CAND1: variants seen among roughly 807,000 people sequenced by gnomAD.
CAND1 encodes cullin associated and neddylation dissociated 1.
In CAND1, 7 loss-of-function variants were observed where a neutral mutation model predicts 108.5. That is an observed-to-expected ratio of 0.06 (90% confidence interval 0.04 to 0.12). The LOEUF is 0.12. Among genes scored for constraint, CAND1 ranks in the 10% least tolerant of loss-of-function variants. The pLI is 1.00. For synonymous variants in CAND1, 534 were observed against 512.0 expected, an observed-to-expected ratio of 1.04 and a Z score of -0.58; for missense variants, 941 against 1,448.7, an observed-to-expected ratio of 0.65 and a Z score of 5.69.
chr12:67,297,882 A>G (rs2044785544), intron 6 of CAND1, 29 bp downstream of exon 6: 2 of 1,393,858 alleles, frequency 1.4e-6, no homozygotes, highest in South Asian at 1.2e-5. Context: ...TATTTTTTAC[A>G]AAAAGTTTTT....
rs1266143212 is a variant in CAND1, at chr12:67,313,070, A to G, written c.*240A>G. The G allele has an allele frequency of 8.4e-6, 3 of 357,298 alleles. No individual in the cohort carries two copies. The highest frequency in any genetic ancestry group is 6.3e-5 in the African/African-American group (3 of 47,954). 22.1% of individuals were successfully genotyped at this position (357,298 alleles called of 1,614,324 possible). ...CACTAGTGTTTTAGTGGTTACAGCA[A>G]CATTTGAAATGGAAACTAAAAGTTA... On this transcript the variant is annotated 3_prime_UTR_variant, in exon 15 of 15. Transcript: ENST00000545606.
At chr12:67,283,150 T>A (rs1057416065) in intron 2 of CAND1, among the ~76,000 whole-genome samples, 3 of 152,236 alleles carry the variant, frequency 2.0e-5, no homozygotes, top group South Asian at 2.1e-4. Flanking sequence ...TAAATTTGTT[T>A]TAGCCTAAAC....
At chr12:67,310,558 GC>G in intron 13 of CAND1, 1 of 325,296 alleles carries the variant, frequency 3.1e-6, no homozygotes, top group Non-Finnish European at 5.7e-6. Context: ...AATGCTGTGT[GC>G]CCACTTGCTT....
intron 4 of CAND1, among the ~76,000 whole-genome samples, chr12:67,295,559 G>T (rs578250810): frequency 6.6e-6 from 1 of 152,256 alleles, no homozygotes; most frequent in African/African-American, 2.4e-5. Context: ...ATATTTTAGG[G>T]GAGGGAGGAC....
chr12:67,280,396 C>A (rs1024744645), intron 1 of CAND1, among the ~76,000 whole-genome samples: 6 of 152,182 alleles, frequency 3.9e-5, no homozygotes, highest in Admixed American at 3.3e-4. Flanking sequence ...CAGTTTATTT[C>A]CCATGTTGCG....
chr12:67,274,816 T>G (rs1278288208), intron 1 of CAND1, among the ~76,000 whole-genome samples: 1 of 152,178 alleles, frequency 6.6e-6, no homozygotes, highest in Non-Finnish European at 1.5e-5. Context: ...TTTAAAATGC[T>G]TGTAAAAAAA....
At chr12:67,302,963 G>T (rs921016458) in intron 8 of CAND1, among the ~76,000 whole-genome samples, 1 of 152,114 alleles carries the variant, frequency 6.6e-6, no homozygotes, top group Non-Finnish European at 1.5e-5. Flanking sequence ...AAGTTATTTA[G>T]TCATTTTATT....
chr12:67,305,552 A>C lies in CAND1; in HGVS notation c.1884A>C (p.Thr628=), dbSNP rs146241712. 6.2e-7 allele frequency: 1 copy of C among 1,614,050 alleles called. No individual in the cohort carries two copies. Among genetic ancestry groups the C allele is most frequent in the Non-Finnish European group, 8.5e-7 (1 of 1,180,026 alleles). Residue 628 remains threonine (T), a synonymous_variant, in exon 10 of 15, where the codon ACA becomes ACC. Transcript: ENST00000545606. This position sits in a 1 kb window ranked among gnomAD's most constrained non-coding sequence, Gnocchi z 4.4. ...AGAATGAAATTACCAGGTTAACTAC[A>C]GTAAAGGCATTGACACTGATTGCTG... ...RLKNEITRLT[T]VKALTLIAGS... is the part of the protein sequence containing the mutation.
At position 67,314,398 on chromosome 12, in the gene CAND1, A is replaced by C. The variant is rs373474760; in HGVS notation, c.*1568A>C. The C allele has an allele frequency of 1.3e-5, 2 of 152,344 alleles. No individual in the cohort carries two copies. The highest frequency in any genetic ancestry group is 2.1e-4 in the South Asian group (1 of 4,828). 9.4% of individuals were successfully genotyped at this position (152,344 alleles called of 1,614,324 possible). On this transcript the variant is annotated 3_prime_UTR_variant, in exon 15 of 15. Transcript: ENST00000545606. Reference sequence around the variant, plus strand: ...AATGCAGAAGACATCACTTCTAGTAAGGATTTTGACTAGTGCATTGATGTT... The same window carrying C: ...AATGCAGAAGACATCACTTCTAGTACGGATTTTGACTAGTGCATTGATGTT...
At chr12:67,304,771 T>G in intron 9 of CAND1, 25 bp downstream of exon 9, 1 of 1,607,664 alleles carries the variant, frequency 6.2e-7, no homozygotes, top group Non-Finnish European at 8.5e-7. Context: ...TAAATCTCTT[T>G]TGGGACTTAT....
chr12:67,277,547 A>T (rs960286138), intron 1 of CAND1, among the ~76,000 whole-genome samples: 54 of 152,184 alleles, frequency 3.5e-4, no homozygotes, highest in Non-Finnish European at 7.2e-4. Flanking sequence ...AAGCACAAAC[A>T]TGTGAAAAAC....
At chr12:67,269,992 TAGGCA>T (rs2135984644) in intron 1 of CAND1, 1 of 517,218 alleles carries the variant, frequency 1.9e-6, no homozygotes, top group East Asian at 3.6e-5. Flanking sequence ...TTCTTTCTCC[TAGGCA>T]GTTGCCCGCC....
At chr12:67,284,186 G>A (rs560813603) in intron 2 of CAND1, among the ~76,000 whole-genome samples, 1 of 151,790 alleles carries the variant, frequency 6.6e-6, no homozygotes, top group Non-Finnish European at 1.5e-5. Context: ...GAGAGTTGTA[G>A]TACTGTTCTA....
At position 67,305,603 on chromosome 12, in the gene CAND1, G is replaced by A. The variant is rs1396279717; in HGVS notation, c.1935G>A (p.Arg645=). The A allele has an allele frequency of 1.8e-5, 29 of 1,614,016 alleles. No individual in the cohort carries two copies. Among genetic ancestry groups the A allele is most frequent in the Non-Finnish European group, 2.5e-5 (29 of 1,180,020 alleles). ...IAGSPLKIDL[R]PVLGEGVPIL... Reference sequence around the variant, plus strand: ...GGTCACCTTTGAAGATAGATTTGAGGCCTGTTCTGGGAGAAGGGGTTCCTA... The same window carrying A: ...GGTCACCTTTGAAGATAGATTTGAGACCTGTTCTGGGAGAAGGGGTTCCTA... The change falls in exon 10 of 15, where the codon AGG becomes AGA. Residue 645 remains arginine (R), a synonymous_variant. Coordinates refer to ENST00000545606, the MANE Select transcript of CAND1 (RefSeq NM_018448.5). The surrounding 1 kb of genome is among the most constrained non-coding windows in gnomAD (Gnocchi z 4.4).
Position 67,281,881 on chromosome 12 carries a change from C to T in CAND1, c.69-29C>T, listed in dbSNP as rs1252681787. On this transcript the variant is annotated intron_variant, in intron 1 of 14. Coordinates refer to ENST00000545606, the MANE Select transcript of CAND1 (RefSeq NM_018448.5). Reference sequence around the variant, plus strand: ...TTTTAAATTAATGCTTTAAAATTTTCAAATTAACAAATTTTATTTTTTTGA... The same window carrying T: ...TTTTAAATTAATGCTTTAAAATTTTTAAATTAACAAATTTTATTTTTTTGA... 2.7e-6 allele frequency: 4 copies of T among 1,506,974 alleles called. No homozygotes were observed. The East Asian group carries it at 9.6e-5, about 36-fold the overall frequency. The allele number at this position is 1,506,974 out of a possible 1,614,324, so 93.4% of individuals were successfully genotyped here. A position where few individuals can be genotyped will look rare whatever the true frequency, so the allele number is the denominator to read the frequency against.
chr12:67,286,096 C>G (rs1219664415), intron 2 of CAND1, among the ~76,000 whole-genome samples: 3 of 152,148 alleles, frequency 2.0e-5, no homozygotes. Flanking sequence ...CAAGCTCTGC[C>G]TCCCGGGTTC....
Position 67,269,602 on chromosome 12 carries a change from C to T in CAND1, c.-116C>T, listed in dbSNP as rs2044496737. On this transcript the variant is annotated 5_prime_UTR_variant, in exon 1 of 15. Transcript: ENST00000545606. ...TCAGCGTCGGCGTCGCGCTGCGACCCTGGAAGCGGGAGCCGCCGCGAGCGA... is the reference window on the plus strand; with the variant it reads ...TCAGCGTCGGCGTCGCGCTGCGACCTTGGAAGCGGGAGCCGCCGCGAGCGA... The T allele has an allele frequency of 9.2e-6, 8 of 865,928 alleles. No individual in the cohort carries two copies. Among genetic ancestry groups the T allele is most frequent in the African/African-American group, 1.8e-5 (1 of 54,996 alleles). 53.6% of individuals were successfully genotyped at this position (865,928 alleles called of 1,614,324 possible). A position where few individuals can be genotyped will look rare whatever the true frequency, so the allele number is the denominator to read the frequency against.
chr12:67,283,167 A>G (rs1348745175), intron 2 of CAND1, among the ~76,000 whole-genome samples: 1 of 152,238 alleles, frequency 6.6e-6, no homozygotes, highest in Non-Finnish European at 1.5e-5. Flanking sequence ...AAACTTTTAC[A>G]TATCCCTTGT....
At chr12:67,272,805 C>G (rs1565711741) in intron 1 of CAND1, among the ~76,000 whole-genome samples, 1 of 152,032 alleles carries the variant, frequency 6.6e-6, no homozygotes, top group Non-Finnish European at 1.5e-5. Context: ...CAAGCAACTC[C>G]CTTGCCTCAG....
Sources: allele counts gnomAD v4.1 joint callset (sites outside exome capture counted in the v4.1 genomes callset), GRCh38; gene constraint gnomAD v4.1.1; non-coding constraint Gnocchi (gnomAD v3.1); transcripts MANE v1.5; gene names NCBI Gene and HGNC (gene_info 2026-07-23, HGNC 2026-07-21).